ADAM10: variants seen among roughly 807,000 people sequenced by gnomAD.
ADAM10 encodes the protein disintegrin and metalloproteinase domain-containing protein 10.
Under a neutral mutation model 90.1 loss-of-function variants are expected in ADAM10, and 17 were observed. The ratio of observed to expected loss-of-function variants is 0.19; its 90% CI spans 0.13 to 0.28. The LOEUF (loss-of-function observed/expected upper bound fraction) is 0.28, where lower values mean the gene tolerates loss of function less well. Among genes scored for constraint, ADAM10 ranks in the 10% least tolerant of loss-of-function variants. The probability of loss-of-function intolerance (pLI) is 1.00; values close to 1 mark genes in which losing one functional copy is unlikely to be tolerated. For synonymous variants in ADAM10, 310 were observed against 298.6 expected (o/e 1.04, Z -0.40); for missense variants, 610 against 914.3 (o/e 0.67, Z 4.29).
chr15:58,610,616 GAAA>G, intron 13 of ADAM10, 99 bp from the exon 14 acceptor site: 1 of 1,158,882 alleles, frequency 8.6e-7, no homozygotes, highest in Non-Finnish European at 1.3e-6. Context: ...AAAAAAAACT[GAAA>G]TCATTACCAT....
At chr15:58,746,861 CA>C (rs1359732660) in intron 1 of ADAM10, among the ~76,000 whole-genome samples, 1 of 152,124 alleles carries the variant, frequency 6.6e-6, no homozygotes, top group Non-Finnish European at 1.5e-5. Flanking sequence ...AGGATAAAGA[CA>C]AAATTAGTCT....
chr15:58,718,902 T>C (rs914873023), intron 1 of ADAM10, among the ~76,000 whole-genome samples: 2 of 152,186 alleles, frequency 1.3e-5, no homozygotes, highest in South Asian at 2.1e-4. Context: ...CCCTGGACTC[T>C]ACCTAGGTTC....
rs571056305 is a variant in ADAM10, at chr15:58,730,425, C to T, written c.56-12698G>A. 7.8e-4 allele frequency among the ~76,000 whole-genome samples: 118 copies of T among 152,210 alleles called. 3 individuals are homozygous for T. In the South Asian group the frequency reaches 0.023, roughly 30 times the overall value. ...TCACACAACAGCAGAGTTGAATAAG[C>T]GAAGTATTACAAAATGTTACAGAAC... On this transcript the variant is annotated intron_variant, in intron 1 of 15. Coordinates refer to ENST00000260408, the MANE Select transcript of ADAM10 (RefSeq NM_001110.4).
At chr15:58,622,875 A>G (rs1895827284) in intron 10 of ADAM10, among the ~76,000 whole-genome samples, 2 of 152,360 alleles carry the variant, frequency 1.3e-5, no homozygotes, top group South Asian at 2.1e-4. Context: ...GTTCTAGGAA[A>G]TAAAACTAAC....
intron 14 of ADAM10, among the ~76,000 whole-genome samples, chr15:58,601,006 G>C (rs1566962989): frequency 6.6e-6 from 1 of 152,098 alleles, no homozygotes. Flanking sequence ...GCATTAATGA[G>C]AGTAATGCTA....
intron 14 of ADAM10, among the ~76,000 whole-genome samples, chr15:58,603,650 CCTT>C (rs1239599275): frequency 6.6e-6 from 1 of 152,004 alleles, no homozygotes; most frequent in Non-Finnish European, 1.5e-5. Context: ...CCATGTTACT[CCTT>C]CATGTCAAAC....
chr15:58,690,716 G>C lies in ADAM10; in HGVS notation c.207-8402C>G, dbSNP rs141010622. 8.6e-4 allele frequency among the ~76,000 whole-genome samples: 131 copies of C among 152,252 alleles called. 1 individual carries two copies. The Middle Eastern group carries it at 0.014, about 16-fold the overall frequency. On this transcript the variant is annotated intron_variant, in intron 2 of 15. Transcript: ENST00000260408. ...ATGGGGACACTATGCAAGGGCACAA[G>C]GTTTGCAGGTATAAACTCTTAATCT...
chr15:58,641,049 G>T, intron 7 of ADAM10, 89 bp from the exon 8 acceptor site: 7 of 1,223,214 alleles, frequency 5.7e-6, no homozygotes, highest in Non-Finnish European at 8.3e-6. Context: ...CGTACACCTG[G>T]ACAATATGCT....
chr15:58,735,320 C>A (rs1179139663), intron 1 of ADAM10, among the ~76,000 whole-genome samples: 1 of 152,150 alleles, frequency 6.6e-6, no homozygotes, highest in South Asian at 2.1e-4. Flanking sequence ...AGATATATTA[C>A]CTACGCAGGA....
chr15:58,686,584 C>T, intron 2 of ADAM10: 1 of 1,148,906 alleles, frequency 8.7e-7, no homozygotes, highest in Non-Finnish European at 1.3e-6. Context: ...GAAGTAACCC[C>T]TTCTGGGAAC....
At position 58,717,842 on chromosome 15, in the gene ADAM10, G is replaced by C. The variant is rs574171813; in HGVS notation, c.56-115C>G. The C allele has an allele frequency of 5.0e-5, 70 of 1,412,970 alleles. 1 individual carries two copies. In the African/African-American group the frequency reaches 8.9e-4, roughly 18 times the overall value. The allele number at this position is 1,412,970 out of a possible 1,614,324, so 87.5% of individuals were successfully genotyped here. A position where few individuals can be genotyped will look rare whatever the true frequency, so the allele number is the denominator to read the frequency against. On this transcript the variant is annotated intron_variant, in intron 1 of 15. Transcript: ENST00000260408. ...ATGAAACAACTTCTCCCTAATCCCA[G>C]CACTATTATGAATTCTGCATTAATA...
At chr15:58,646,304 A>T in intron 5 of ADAM10, 100 bp from the exon 6 acceptor site, 3 of 1,179,814 alleles carry the variant, frequency 2.5e-6, no homozygotes, top group Non-Finnish European at 3.6e-6. Context: ...ATTCTGCTTT[A>T]TATAACACCA....
chr15:58,676,214 A>C (rs1240715606), intron 4 of ADAM10: 1 of 442,154 alleles, frequency 2.3e-6, no homozygotes, highest in East Asian at 7.2e-5. Flanking sequence ...CCATGAGTGA[A>C]GCAGAAGAGC....
intron 5 of ADAM10, among the ~76,000 whole-genome samples, chr15:58,658,478 T>C (rs1382454423): frequency 1.3e-5 from 2 of 152,206 alleles, no homozygotes; most frequent in Non-Finnish European, 2.9e-5. Context: ...TTGTCTATTC[T>C]AGATCTTTTA....
intron 2 of ADAM10, among the ~76,000 whole-genome samples, chr15:58,709,696 CA>C (rs1337750359): frequency 7.9e-5 from 12 of 151,956 alleles, no homozygotes; most frequent in African/African-American, 2.7e-4. Context: ...GACAAGATTG[CA>C]CCACTGCACT....
intron 1 of ADAM10, chr15:58,732,268 T>A (rs557640106): frequency 6.6e-6 from 1 of 152,262 alleles, no homozygotes; most frequent in African/African-American, 2.4e-5. Flanking sequence ...AGGAGTGTGG[T>A]GAATGTGGAG....
At position 58,599,255 on chromosome 15, in the gene ADAM10, A is replaced by G. The variant is rs540644340; in HGVS notation, c.2152+343T>C. Among the ~76,000 whole-genome samples the G allele has an allele frequency of 5.5e-4, 83 of 152,254 alleles. No homozygotes were observed. In the Middle Eastern group the frequency reaches 0.014, roughly 25 times the overall value. ...ATGAGAAGCACAACTATTAGAATAG[A>G]AAGATCAACAATTTTAAAGTAGTTC... On this transcript the variant is annotated intron_variant, in intron 15 of 15. Coordinates refer to ENST00000260408, the MANE Select transcript of ADAM10 (RefSeq NM_001110.4).
chr15:58,719,312 G>A (rs1898767415), intron 1 of ADAM10, among the ~76,000 whole-genome samples: 1 of 150,596 alleles, frequency 6.6e-6, no homozygotes, highest in Non-Finnish European at 1.5e-5. Flanking sequence ...CAACGAAAGT[G>A]AAATTCCGTC....
chr15:58,652,580 T>C (rs1295173057), intron 5 of ADAM10, among the ~76,000 whole-genome samples: 1 of 152,208 alleles, frequency 6.6e-6, no homozygotes, highest in Non-Finnish European at 1.5e-5. Flanking sequence ...GTCTCTATTC[T>C]GTTCCATGGG....
Sources: allele counts gnomAD v4.1 joint callset (sites outside exome capture counted in the v4.1 genomes callset), GRCh38; gene constraint gnomAD v4.1.1; transcripts MANE v1.5; gene names NCBI Gene and HGNC (gene_info 2026-07-23, HGNC 2026-07-21).